CCDC18: variants seen among roughly 807,000 people sequenced by gnomAD.
The protein encoded by CCDC18 is coiled-coil domain-containing protein 18.
In CCDC18, 157 loss-of-function variants were observed where a neutral mutation model predicts 196.0. The ratio of observed to expected loss-of-function variants is 0.80; its 90% confidence interval spans 0.70 to 0.91. CCDC18 has a LOEUF of 0.91. Ranked by LOEUF, CCDC18 falls within the 40% of genes least tolerant of loss-of-function variation. The pLI is 0.00. For synonymous variants in CCDC18, 482 were observed against 529.2 expected (o/e 0.91, Z 1.22); for missense variants, 1,465 against 1,611.6 (o/e 0.91, Z 1.56).
At chr1:93,184,441 T>G (rs1304391770) in intron 3 of CCDC18, among the ~76,000 whole-genome samples, 2 of 151,954 alleles carry the variant, frequency 1.3e-5, no homozygotes, top group African/African-American at 4.8e-5. Flanking sequence ...ATCCCCTTGA[T>G]TTTAACACTA....
At chr1:93,188,794 G>T (rs975086133) in intron 4 of CCDC18, among the ~76,000 whole-genome samples, 1 of 152,052 alleles carries the variant, frequency 6.6e-6, no homozygotes, top group Non-Finnish European at 1.5e-5. Flanking sequence ...CTGGAAACTT[G>T]TATCTTTTGG....
At chr1:93,206,765 G>C (rs1291161431) in intron 8 of CCDC18, among the ~76,000 whole-genome samples, 1 of 152,122 alleles carries the variant, frequency 6.6e-6, no homozygotes, top group African/African-American at 2.4e-5. Context: ...TGCTATGTCA[G>C]GGATTTTGAA....
intron 17 of CCDC18, among the ~76,000 whole-genome samples, chr1:93,230,999 T>A (rs1044065370): frequency 6.6e-6 from 1 of 152,200 alleles, no homozygotes; most frequent in Admixed American, 6.5e-5. Flanking sequence ...TAATTCAGGA[T>A]TAGAGATCAG....
chr1:93,198,539 A>G (rs1653188071), intron 6 of CCDC18, among the ~76,000 whole-genome samples: 2 of 152,238 alleles, frequency 1.3e-5, no homozygotes, highest in Admixed American at 1.3e-4. Flanking sequence ...AAGTAAGTAT[A>G]CACATTATTA....
rs1374218296 is a variant in CCDC18 at position 93,278,628 on chromosome 1, T to G, written c.*151T>G. The stretch of plus-strand genomic sequence containing the variant: ...TTTTAAAAGAAAGCCCTTCTAAAAC[T>G]TAATTATATTTTTAAAGAAAATTTA... On this transcript the variant is annotated 3_prime_UTR_variant, in exon 29 of 29. Transcript: ENST00000690025. 5.7e-6 allele frequency: 2 copies of G among 352,110 alleles called. No individual in the cohort carries two copies. Among genetic ancestry groups the G allele is most frequent in the Non-Finnish European group, 5.1e-6 (1 of 197,818 alleles). 21.8% of individuals were successfully genotyped at this position (352,110 alleles called of 1,614,324 possible). A position where few individuals can be genotyped will look rare whatever the true frequency, so the allele number is the denominator to read the frequency against.
intron 3 of CCDC18, 132 bp from the exon 4 acceptor site, chr1:93,186,213 C>CA (rs1650648815): frequency 1.3e-6 from 1 of 758,896 alleles, no homozygotes; most frequent in African/African-American, 1.8e-5. Context: ...TGTCAATACT[C>CA]ACTAAGTATT....
In CCDC18 at chr1:93,270,822, T is replaced by C; in HGVS notation, c.4353+8T>C. 6.7e-7 allele frequency: 1 copy of C among 1,487,648 alleles called. No homozygotes were observed. Among genetic ancestry groups the C allele is most frequent in the Non-Finnish European group, 9.0e-7 (1 of 1,115,370 alleles). 92.2% of individuals were successfully genotyped at this position (1,487,648 alleles called of 1,614,324 possible). On this transcript the variant is annotated splice_region_variant and intron_variant, in intron 28 of 28. Transcript: ENST00000690025. Reference sequence around the variant, plus strand: ...GGTGCTGGTTTAAATCAGGTATGTATTTTATACACTGTAAACTGTAATAAT... The same window carrying C: ...GGTGCTGGTTTAAATCAGGTATGTACTTTATACACTGTAAACTGTAATAAT...
At chr1:93,217,180 C>T (rs796618362) in intron 13 of CCDC18, among the ~76,000 whole-genome samples, 4 of 152,218 alleles carry the variant, frequency 2.6e-5, no homozygotes, top group African/African-American at 4.8e-5. Flanking sequence ...GTGATCCACC[C>T]GCCTCAGCCT....
At chr1:93,242,501 A>C (rs977159757) in intron 21 of CCDC18, among the ~76,000 whole-genome samples, 1 of 152,198 alleles carries the variant, frequency 6.6e-6, no homozygotes, top group Non-Finnish European at 1.5e-5. Context: ...ATGGGGTCAC[A>C]GCCAAACTGT....
chr1:93,254,033 A>C (rs1662602467), intron 23 of CCDC18, among the ~76,000 whole-genome samples: 1 of 152,084 alleles, frequency 6.6e-6, no homozygotes, highest in Non-Finnish European at 1.5e-5. Flanking sequence ...TTGTTGAGAG[A>C]CTGGGGTGAA....
chr1:93,232,490 A>C lies in CCDC18; in HGVS notation c.2357A>C (p.Asn786Thr), dbSNP rs746470379. ...NHSLQETSEQ[N>T]VILQHTLQQQ... ...AGTCTTCAAGAGACTTCTGAGCAAA[A>C]CGTTATTCTACAGCATACTCTTCAG... is the stretch of plus-strand genomic sequence containing the variant. Residue 786 changes from asparagine to threonine, a missense_variant, in exon 18 of 29, where the codon AAC becomes ACC. Coordinates refer to ENST00000690025, the MANE Select transcript of CCDC18 (RefSeq NM_001378204.1). 1 of 1,612,478 alleles carries C rather than the reference A, an allele frequency of 6.2e-7. No individual in the cohort carries two copies. Among genetic ancestry groups the C allele is most frequent in the Non-Finnish European group, 8.5e-7 (1 of 1,178,758 alleles).
At chr1:93,197,379 A>G (rs1297242990) in intron 6 of CCDC18, among the ~76,000 whole-genome samples, 2 of 152,300 alleles carry the variant, frequency 1.3e-5, no homozygotes, top group East Asian at 3.9e-4. Context: ...TAAGAAATAT[A>G]TAAGAAATAA....
intron 27 of CCDC18, among the ~76,000 whole-genome samples, chr1:93,265,614 G>A (rs1023306946): frequency 6.6e-6 from 1 of 152,094 alleles, no homozygotes; most frequent in East Asian, 1.9e-4. Flanking sequence ...GAATGTGAAT[G>A]TAGGATTTAC....
Position 93,214,914 on chromosome 1 carries a change from T to C in CCDC18, c.1667T>C (p.Ile556Thr), listed in dbSNP as rs1232598360. 6.2e-7 allele frequency: 1 copy of C among 1,611,730 alleles called. No individual in the cohort carries two copies. Among genetic ancestry groups the C allele is most frequent in the East Asian group, 2.2e-5 (1 of 44,800 alleles). ...MAHRTSQFQL[I>T]QEELLEKASN... ...CACAGAACTAGTCAGTTTCAGCTGA[T>C]TCAAGAGGAGCTGCTAGAGAAAGCT... Residue 556 changes from isoleucine to threonine, a missense_variant, in exon 12 of 29, where the codon ATT becomes ACT. Physicochemically the swap from Ile to Thr is moderately conservative, Grantham distance 89. Transcript: ENST00000690025.
chr1:93,264,533 C>A, intron 26 of CCDC18, 168 bp from the exon 27 acceptor site: 1 of 483,994 alleles, frequency 2.1e-6, no homozygotes. Context: ...TTCCTTTGTT[C>A]CCTTTTTCCT....
intron 27 of CCDC18, chr1:93,269,843 T>G (rs1380352177): frequency 6.6e-6 from 1 of 152,160 alleles, no homozygotes; most frequent in East Asian, 1.9e-4. Context: ...AAGGATTGAT[T>G]TATTAAAAAT....
chr1:93,182,353 T>C (rs1260404885), intron 1 of CCDC18, among the ~76,000 whole-genome samples: 3 of 152,222 alleles, frequency 2.0e-5, no homozygotes, highest in Non-Finnish European at 2.9e-5. Flanking sequence ...CGTTAATTCA[T>C]TCAAAATATT....
chr1:93,206,672 C>G (rs1188279672), intron 8 of CCDC18, among the ~76,000 whole-genome samples: 2 of 152,132 alleles, frequency 1.3e-5, no homozygotes, highest in Non-Finnish European at 2.9e-5. Flanking sequence ...ATGCTGGGCT[C>G]TTAAGCTGGT....
At chr1:93,266,313 T>C (rs1987898) in intron 27 of CCDC18, among the ~76,000 whole-genome samples, 1 of 152,204 alleles carries the variant, frequency 6.6e-6, no homozygotes, top group Non-Finnish European at 1.5e-5. Context: ...GGGAAATTTA[T>C]AGCACTAAAT....
Sources: allele counts gnomAD v4.1 joint callset (sites outside exome capture counted in the v4.1 genomes callset), GRCh38; gene constraint gnomAD v4.1.1; transcripts MANE v1.5; gene names NCBI Gene and HGNC (gene_info 2026-07-23, HGNC 2026-07-21).